GLRA2: variants seen among roughly 807,000 people sequenced by gnomAD.
GLRA2 encodes the protein glycine receptor alpha 2, also known as glycine receptor subunit alpha-2.
A neutral mutation model predicts 31.6 loss-of-function variants in GLRA2; 11 were observed. The observed-to-expected ratio is 0.35, with a 90% CI of 0.22 to 0.58. GLRA2 has a LOEUF of 0.58. Among genes scored for constraint, GLRA2 ranks in the 20% least tolerant of loss-of-function variants. The probability of loss-of-function intolerance (pLI) is 0.84; values close to 1 mark genes in which losing one functional copy is unlikely to be tolerated. For synonymous variants in GLRA2, 132 were observed against 134.0 expected, an observed-to-expected ratio of 0.99 and a Z score of 0.10; for missense variants, 212 against 351.8, an observed-to-expected ratio of 0.60 and a Z score of 3.18.
At chrX:14,710,612 C>T (rs1333419678) in intron 8 of GLRA2, among the ~76,000 whole-genome samples, 7 of 111,603 alleles carry the variant, frequency 6.3e-5, no homozygotes, top group African/African-American at 9.8e-5. Flanking sequence ...ATATTATGTA[C>T]GTCAAAGATA....
chrX:14,622,697 T>C (rs889328069), intron 7 of GLRA2, among the ~76,000 whole-genome samples: 1 of 111,998 alleles, frequency 8.9e-6, no homozygotes, highest in South Asian at 3.7e-4. Context: ...GGCTCTGTTC[T>C]GTTCCATTGG....
chrX:14,563,151 G>A (rs1423369475), intron 2 of GLRA2, among the ~76,000 whole-genome samples: 5 of 112,259 alleles, frequency 4.5e-5, no homozygotes, highest in African/African-American at 6.5e-5. Context: ...GAAAAGACCC[G>A]AGCAAACCCT....
the GLRA2 span, among the ~76,000 whole-genome samples, chrX:14,503,308 G>A: frequency 9.0e-6 from 1 of 111,213 alleles, no homozygotes; most frequent in African/African-American, 3.3e-5. Flanking sequence ...TTACAGAAAT[G>A]TTCTGATTCT....
chrX:14,465,929 A>C, the GLRA2 span, among the ~76,000 whole-genome samples: 1 of 112,141 alleles, frequency 8.9e-6, no homozygotes, highest in African/African-American at 3.2e-5. Flanking sequence ...AGCCCTAACC[A>C]ACCCATGAAC....
At chrX:14,721,309 AAGAAT>A (rs904772893) in intron 8 of GLRA2, among the ~76,000 whole-genome samples, 1 of 91,245 alleles carries the variant, frequency 1.1e-5, no homozygotes, top group African/African-American at 4.3e-5. Flanking sequence ...AAATTGCTAA[AAGAAT>A]AGATTTTAAG....
chrX:14,491,336 A>G, the GLRA2 span, among the ~76,000 whole-genome samples: 1 of 111,693 alleles, frequency 9.0e-6, no homozygotes, highest in African/African-American at 3.3e-5. Context: ...ACTCGCCTAT[A>G]AACTGGCGGT....
chrX:14,501,588 C>G, the GLRA2 span, among the ~76,000 whole-genome samples: 3 of 111,523 alleles, frequency 2.7e-5, no homozygotes, highest in Admixed American at 9.6e-5. Context: ...TTCACTTGCT[C>G]TATCCTACGA....
At chrX:14,706,332 T>G (rs905122815) in intron 8 of GLRA2, among the ~76,000 whole-genome samples, 3 of 112,004 alleles carry the variant, frequency 2.7e-5, no homozygotes, top group African/African-American at 9.7e-5. Context: ...CTCTAGAATA[T>G]ATCGCAGAGA....
chrX:14,521,833 C>T, the GLRA2 span, among the ~76,000 whole-genome samples: 1 of 111,888 alleles, frequency 8.9e-6, no homozygotes. Flanking sequence ...AATGCACATA[C>T]CTTAATTTAA....
intron 6 of GLRA2, among the ~76,000 whole-genome samples, 195 bp downstream of exon 6, chrX:14,607,463 A>C (rs2090348175): frequency 9.0e-6 from 1 of 111,170 alleles, no homozygotes; most frequent in African/African-American, 3.3e-5. Context: ...CAGCAAACAC[A>C]AGAGGTAATT....
At chrX:14,454,214 A>G in the GLRA2 span, among the ~76,000 whole-genome samples, 83 of 93,905 alleles carry the variant, frequency 8.8e-4, 1 homozygote, top group Non-Finnish European at 1.6e-3. Flanking sequence ...ACACACACAC[A>G]CACACACGCA....
chrX:14,729,756 C>T (rs1256197961), intron 8 of GLRA2, among the ~76,000 whole-genome samples: 1 of 111,167 alleles, frequency 9.0e-6, no homozygotes, highest in Admixed American at 9.6e-5. Context: ...AACCACAATA[C>T]TATAGGTTCC....
the GLRA2 span, among the ~76,000 whole-genome samples, chrX:14,487,909 T>C: frequency 7.2e-5 from 8 of 111,734 alleles, no homozygotes; most frequent in Non-Finnish European, 1.3e-4. Flanking sequence ...TGAGTGTCTT[T>C]CTCTATTTTT....
At chrX:14,685,316 C>T (rs71473484) in intron 7 of GLRA2, among the ~76,000 whole-genome samples, 28,197 of 110,456 alleles carry the variant, frequency 0.26, 2,762 homozygotes, top group Non-Finnish European at 0.3. Context: ...GGTATCAGGA[C>T]GATGCTGGCC....
At chrX:14,617,242 T>A (rs766136783) in intron 7 of GLRA2, among the ~76,000 whole-genome samples, 1 of 111,252 alleles carries the variant, frequency 9.0e-6, no homozygotes, top group Non-Finnish European at 1.9e-5. Flanking sequence ...TGGGTTCTTA[T>A]AAACACCACA....
intron 7 of GLRA2, among the ~76,000 whole-genome samples, chrX:14,688,141 T>G (rs2091300586): frequency 9.0e-6 from 1 of 111,576 alleles, no homozygotes. Flanking sequence ...CCAATGTTGC[T>G]GCCTGATCTT....
intron 7 of GLRA2, among the ~76,000 whole-genome samples, chrX:14,643,852 G>T (rs1041224013): frequency 2.7e-5 from 3 of 111,789 alleles, no homozygotes; most frequent in African/African-American, 9.8e-5. Flanking sequence ...GTCACAAGGT[G>T]CTAGAAAAGT....
upstream of GLRA2, chrX:14,529,528 A>C (rs1171681071): frequency 8.8e-6 from 1 of 113,631 alleles, no homozygotes; most frequent in Admixed American, 9.3e-5. Flanking sequence ...GGGTAAGATC[A>C]CGTCTCCGTC....
chrX:14,462,527 T>C, the GLRA2 span, among the ~76,000 whole-genome samples: 7 of 111,999 alleles, frequency 6.3e-5, no homozygotes, highest in Non-Finnish European at 9.4e-5. Context: ...TCCATGTTTC[T>C]TGGAGGCTTT....
Sources: gnomAD v4.1 joint callset for allele counts (sites outside exome capture counted in the v4.1 genomes callset) on GRCh38, gnomAD v4.1.1 for gene constraint, MANE v1.5 for transcripts, NCBI Gene and HGNC (gene_info 2026-07-23, HGNC 2026-07-21) for gene names.